The following ERBB4 variants were observed in gnomAD, a reference collection of about 807,000 sequenced individuals.
ERBB4 encodes the protein erb-b2 receptor tyrosine kinase 4, also known as receptor tyrosine-protein kinase erbB-4.
ERBB4 carries 42 observed loss-of-function variants against 158.0 expected under a neutral mutation model. The observed-to-expected ratio is 0.27, with a 90% CI of 0.21 to 0.34. The LOEUF (loss-of-function observed/expected upper bound fraction) is 0.34. Ranked by LOEUF, ERBB4 falls within the 10% of genes least tolerant of loss-of-function variation. ERBB4 has a pLI of 1.00. For missense variants in ERBB4, 1,333 were observed against 1,624.1 expected (o/e 0.82, Z 3.08); for synonymous variants, 583 against 558.7 (o/e 1.04, Z -0.61).
At chr2:211,609,352 C>CATTA (rs2069104460) in intron 19 of ERBB4, among the ~76,000 whole-genome samples, 1 of 152,096 alleles carries the variant, frequency 6.6e-6, no homozygotes, top group East Asian at 1.9e-4. Context: ...AATGCATGCT[C>CATTA]AGAGAAATCA....
intron 20 of ERBB4, among the ~76,000 whole-genome samples, chr2:211,464,272 TA>T (rs2064615828): frequency 6.6e-6 from 1 of 152,194 alleles, no homozygotes. Context: ...AGAACATACA[TA>T]ATAGGCACTC....
chr2:211,902,205 C>A (rs1004857686), intron 3 of ERBB4, among the ~76,000 whole-genome samples: 15 of 151,934 alleles, frequency 9.9e-5, no homozygotes, highest in African/African-American at 3.6e-4. Context: ...TCCACAAAGA[C>A]TATTTTGCGA....
chr2:211,878,941 C>T (rs1177000820), intron 3 of ERBB4, among the ~76,000 whole-genome samples: 1 of 152,206 alleles, frequency 6.6e-6, no homozygotes, highest in Non-Finnish European at 1.5e-5. Context: ...CTAACATTCA[C>T]TGAGTTCTTA....
intron 1 of ERBB4, among the ~76,000 whole-genome samples, chr2:212,344,540 A>G (rs1380575357): frequency 1.3e-5 from 2 of 152,060 alleles, no homozygotes; most frequent in Non-Finnish European, 2.9e-5. Flanking sequence ...ATATATACAC[A>G]CACATAGCGA....
intron 3 of ERBB4, among the ~76,000 whole-genome samples, chr2:211,823,303 C>T (rs2077033488): frequency 6.6e-6 from 1 of 151,744 alleles, no homozygotes; most frequent in African/African-American, 2.4e-5. Context: ...TTCAAAATTA[C>T]AATTGCTAGT....
At chr2:211,718,935 A>C (rs1042170995) in intron 7 of ERBB4, among the ~76,000 whole-genome samples, 8 of 152,222 alleles carry the variant, frequency 5.3e-5, no homozygotes, top group African/African-American at 1.9e-4. Flanking sequence ...GGTAAAAAGA[A>C]ACATCAGAAA....
chr2:211,455,684 G>C (rs1212314025), intron 20 of ERBB4, among the ~76,000 whole-genome samples: 1 of 152,084 alleles, frequency 6.6e-6, no homozygotes, highest in African/African-American at 2.4e-5. Flanking sequence ...AATTTTGCCT[G>C]TTTTTCACTA....
chr2:211,801,245 G>GA lies in ERBB4; in HGVS notation c.422-13087dup, dbSNP rs577097883. ...AGGTAAATTGGATTCATATGATGGG[G>GA]AAAAAAAGGGAATCCAAAATTAAAA... On this transcript the variant is annotated intron_variant, in intron 3 of 27. Transcript: ENST00000342788. Among the ~76,000 whole-genome samples the GA allele has an allele frequency of 5.3e-5, 8 of 151,986 alleles. No homozygotes were observed. The South Asian group carries it at 8.3e-4, about 16-fold the overall frequency.
chr2:211,796,255 G>A (rs147476037), intron 3 of ERBB4, among the ~76,000 whole-genome samples: 11 of 151,938 alleles, frequency 7.2e-5, no homozygotes, highest in Admixed American at 2.0e-4. Flanking sequence ...CATACCATAC[G>A]TATTCTCTTG....
At position 212,170,566 on chromosome 2, in the gene ERBB4, G is replaced by T. The variant is rs62182563; in HGVS notation, c.83-45663C>A. On this transcript the variant is annotated intron_variant, in intron 1 of 27. Coordinates refer to ENST00000342788, the MANE Select transcript of ERBB4 (RefSeq NM_005235.3). ...TGGCAGCCCCTCCCATCACAGGCACGTAGGCCAAGGAGGAAAAAATGGTTT... is the reference window on the plus strand; with the variant it reads ...TGGCAGCCCCTCCCATCACAGGCACTTAGGCCAAGGAGGAAAAAATGGTTT... Among the ~76,000 whole-genome samples the T allele has an allele frequency of 4.3e-3, 652 of 152,292 alleles. 5 individuals carry two copies. The highest frequency in any genetic ancestry group is 7.7e-3 in the Non-Finnish European group (525 of 68,010).
chr2:211,659,868 A>T (rs990606846), intron 15 of ERBB4, among the ~76,000 whole-genome samples: 4 of 152,198 alleles, frequency 2.6e-5, no homozygotes, highest in African/African-American at 9.6e-5. Context: ...TGTAATAAGA[A>T]ACATGAAAAA....
chr2:211,802,574 T>C (rs1399393274), intron 3 of ERBB4, among the ~76,000 whole-genome samples: 3 of 152,196 alleles, frequency 2.0e-5, no homozygotes, highest in African/African-American at 4.8e-5. Flanking sequence ...GAAAAGAGAA[T>C]GATGATTTAT....
chr2:212,257,682 C>T (rs78825099), intron 1 of ERBB4, among the ~76,000 whole-genome samples: 1,695 of 152,132 alleles, frequency 0.011, 40 homozygotes, highest in African/African-American at 0.038. Flanking sequence ...ACTCTAAATG[C>T]GATGTCACGT....
intron 20 of ERBB4, among the ~76,000 whole-genome samples, chr2:211,510,000 T>C (rs1851189): frequency 0.53 from 80,084 of 151,926 alleles, 21,373 homozygotes; most frequent in Middle Eastern, 0.57. Context: ...AGTGGGAATT[T>C]AAATTCATAA....
At chr2:212,358,911 A>C (rs774791004) in intron 1 of ERBB4, among the ~76,000 whole-genome samples, 1 of 151,790 alleles carries the variant, frequency 6.6e-6, no homozygotes, top group East Asian at 1.9e-4. Context: ...CATTCACTGA[A>C]TATATATTAA....
chr2:212,156,263 GA>G (rs2081032784), intron 1 of ERBB4, among the ~76,000 whole-genome samples: 2 of 151,946 alleles, frequency 1.3e-5, no homozygotes, highest in South Asian at 2.1e-4. Flanking sequence ...AAAAGTGGGG[GA>G]AAAAAAGGAA....
chr2:211,818,698 A>T (rs2076928517), intron 3 of ERBB4, among the ~76,000 whole-genome samples: 1 of 152,118 alleles, frequency 6.6e-6, no homozygotes. Context: ...ACTCAACTAC[A>T]TATTTCCATT....
intron 16 of ERBB4, among the ~76,000 whole-genome samples, chr2:211,642,416 C>G (rs930514925): frequency 1.8e-4 from 27 of 152,032 alleles, no homozygotes; most frequent in African/African-American, 6.3e-4. Flanking sequence ...CCTTTTCACT[C>G]ATTTTCTGCT....
intron 5 of ERBB4, among the ~76,000 whole-genome samples, chr2:211,740,901 C>G (rs375551753): frequency 6.6e-6 from 1 of 152,124 alleles, no homozygotes; most frequent in African/African-American, 2.4e-5. Flanking sequence ...TGAGCCACTG[C>G]GCCCAGCCTA....
Sources: gnomAD v4.1 joint callset for allele counts (sites outside exome capture counted in the v4.1 genomes callset) on GRCh38, gnomAD v4.1.1 for gene constraint, MANE v1.5 for transcripts, NCBI Gene and HGNC (gene_info 2026-07-23, HGNC 2026-07-21) for gene names.